Variants in KCNIP4 observed in about 807,000 individuals in gnomAD.
KCNIP4 encodes the protein Kv channel-interacting protein 4.
KCNIP4 carries 12 observed loss-of-function variants against 34.0 expected under a neutral mutation model. The ratio of observed to expected loss-of-function variants is 0.35; its 90% CI spans 0.23 to 0.57. The LOEUF (loss-of-function observed/expected upper bound fraction) is 0.57. Among genes scored for constraint, KCNIP4 ranks in the 20% least tolerant of loss-of-function variants. The pLI is 0.83. For missense variants in KCNIP4, 238 were observed against 311.7 expected, an observed-to-expected ratio of 0.76 and a Z score of 1.78; for synonymous variants, 124 against 102.2, an observed-to-expected ratio of 1.21 and a Z score of -1.29.
At chr4:20,907,204 G>A (rs926039378) in intron 1 of KCNIP4, among the ~76,000 whole-genome samples, 6 of 152,144 alleles carry the variant, frequency 3.9e-5, no homozygotes, top group Admixed American at 1.3e-4. Context: ...AATGGAAACT[G>A]AGCTTTAAAT....
rs11942276 is a variant in KCNIP4, at chr4:21,372,519, C to T, written c.62-489810G>A. Among the ~76,000 whole-genome samples, 247 of 146,818 alleles carry T rather than the reference C, an allele frequency of 1.7e-3. 43 individuals carry two copies. The highest frequency in any genetic ancestry group is 6.5e-3 in the African/African-American group (237 of 36,656). On this transcript the variant is annotated intron_variant, in intron 1 of 8. Coordinates refer to ENST00000382152, the MANE Select transcript of KCNIP4 (RefSeq NM_025221.6). ...TTGTTAAATTCAGTTCTGTTTCATG[C>T]GTTAAAGATTACAGCAGGTAGGTTT...
intron 1 of KCNIP4, among the ~76,000 whole-genome samples, chr4:21,886,918 G>A (rs184044299): frequency 3.3e-5 from 5 of 152,148 alleles, no homozygotes; most frequent in South Asian, 4.1e-4. Flanking sequence ...GAGTGTGAGC[G>A]TTCATTTGAA....
intron 1 of KCNIP4, among the ~76,000 whole-genome samples, chr4:21,775,697 A>G (rs750087308): frequency 1.8e-4 from 28 of 152,274 alleles, no homozygotes; most frequent in East Asian, 3.9e-4. Context: ...GCCTCACCCA[A>G]TGAGGAAGGA....
intron 1 of KCNIP4, among the ~76,000 whole-genome samples, chr4:21,271,761 A>G (rs1002089604): frequency 1.3e-5 from 2 of 152,204 alleles, no homozygotes; most frequent in African/African-American, 2.4e-5. Context: ...TCGCACACAC[A>G]TAAGAAGGAA....
intron 1 of KCNIP4, among the ~76,000 whole-genome samples, chr4:21,688,260 C>G (rs972838752): frequency 6.6e-6 from 1 of 152,112 alleles, no homozygotes; most frequent in Non-Finnish European, 1.5e-5. Flanking sequence ...TCTGAATGCT[C>G]AATGGACACT....
At chr4:21,059,226 G>C (rs2108967008) in intron 1 of KCNIP4, among the ~76,000 whole-genome samples, 1 of 152,106 alleles carries the variant, frequency 6.6e-6, no homozygotes, top group East Asian at 1.9e-4. Flanking sequence ...TGTTGATTAA[G>C]ACTTTGTGGG....
At chr4:21,728,329 C>T (rs930100781) in intron 1 of KCNIP4, among the ~76,000 whole-genome samples, 3 of 152,050 alleles carry the variant, frequency 2.0e-5, no homozygotes, top group African/African-American at 7.3e-5. Flanking sequence ...TCAAATAAGG[C>T]GTTTTCCTCC....
At chr4:21,278,846 C>A (rs963859718) in intron 1 of KCNIP4, among the ~76,000 whole-genome samples, 1 of 152,030 alleles carries the variant, frequency 6.6e-6, no homozygotes, top group South Asian at 2.1e-4. Context: ...CAAAAAGATG[C>A]CATTTTTACT....
intron 1 of KCNIP4, among the ~76,000 whole-genome samples, chr4:21,932,354 A>G (rs552882520): frequency 1.1e-4 from 17 of 152,124 alleles, no homozygotes; most frequent in Non-Finnish European, 2.4e-4. Context: ...AACAGGAACA[A>G]CAGTAACTGG....
At chr4:21,801,321 A>C (rs970393636) in intron 1 of KCNIP4, among the ~76,000 whole-genome samples, 2 of 152,218 alleles carry the variant, frequency 1.3e-5, no homozygotes, top group African/African-American at 2.4e-5. Flanking sequence ...GACCCCGTTG[A>C]ATTTAAAAAT....
chr4:21,915,396 C>T (rs1397500662), intron 1 of KCNIP4, among the ~76,000 whole-genome samples: 2 of 152,158 alleles, frequency 1.3e-5, no homozygotes, highest in Non-Finnish European at 2.9e-5. Flanking sequence ...CCTTTGTCTA[C>T]AAAACTCATC....
intron 1 of KCNIP4, among the ~76,000 whole-genome samples, chr4:21,519,540 A>G (rs1266528035): frequency 1.2e-5 from 1 of 85,338 alleles, no homozygotes; most frequent in African/African-American, 4.8e-5. Flanking sequence ...GTGTATGTGT[A>G]TATACACATA....
At chr4:21,819,173 G>T (rs1225686445) in intron 1 of KCNIP4, among the ~76,000 whole-genome samples, 1 of 152,178 alleles carries the variant, frequency 6.6e-6, no homozygotes, top group East Asian at 1.9e-4. Context: ...CCCTGCCAGG[G>T]CTTCCTGTTG....
intron 1 of KCNIP4, among the ~76,000 whole-genome samples, chr4:21,085,499 G>C (rs910246846): frequency 6.6e-6 from 1 of 151,952 alleles, no homozygotes; most frequent in African/African-American, 2.4e-5. Flanking sequence ...TATTTCTCAT[G>C]GCTTTTTGAA....
At chr4:21,540,703 C>G (rs955720816) in intron 1 of KCNIP4, among the ~76,000 whole-genome samples, 3 of 152,060 alleles carry the variant, frequency 2.0e-5, no homozygotes, top group African/African-American at 7.2e-5. Flanking sequence ...CATTATTTAC[C>G]AAACGTTTTT....
intron 1 of KCNIP4, among the ~76,000 whole-genome samples, chr4:21,210,560 T>C (rs2108976126): frequency 6.6e-6 from 1 of 152,328 alleles, no homozygotes; most frequent in South Asian, 2.1e-4. Context: ...AAAAATGGCT[T>C]GAAGTAGGTT....
chr4:21,083,687 T>A (rs1746190696), intron 1 of KCNIP4, among the ~76,000 whole-genome samples: 1 of 151,922 alleles, frequency 6.6e-6, no homozygotes, highest in African/African-American at 2.4e-5. Context: ...TTAAAAGGAA[T>A]GTGACCCTAT....
chr4:21,882,810 C>A (rs1437773913), intron 1 of KCNIP4, among the ~76,000 whole-genome samples: 4 of 152,134 alleles, frequency 2.6e-5, no homozygotes, highest in African/African-American at 9.7e-5. Context: ...CCATGAGTGA[C>A]TTTTCCTAAG....
At chr4:21,608,180 CA>C (rs1156289522) in intron 1 of KCNIP4, among the ~76,000 whole-genome samples, 1 of 152,220 alleles carries the variant, frequency 6.6e-6, no homozygotes, top group Non-Finnish European at 1.5e-5. Context: ...CTAATTACCA[CA>C]ACCTTAGAAG....
Sources: allele counts gnomAD v4.1 joint callset (sites outside exome capture counted in the v4.1 genomes callset), GRCh38; gene constraint gnomAD v4.1.1; transcripts MANE v1.5; gene names NCBI Gene and HGNC (gene_info 2026-07-23, HGNC 2026-07-21).